PRKAG2: variants seen among roughly 807,000 people sequenced by gnomAD.
The protein encoded by PRKAG2 is protein kinase AMP-activated non-catalytic subunit gamma 2, also known as 5'-AMP-activated protein kinase subunit gamma-2.
Under a neutral mutation model 69.6 loss-of-function variants are expected in PRKAG2, and 26 were observed. The ratio of observed to expected loss-of-function variants is 0.37; its 90% CI spans 0.27 to 0.52. The LOEUF (loss-of-function observed/expected upper bound fraction) is 0.52. Ranked by LOEUF, PRKAG2 falls within the 20% of genes least tolerant of loss-of-function variation. PRKAG2 has a pLI of 0.90. For missense variants in PRKAG2, 557 were observed against 740.0 expected, an observed-to-expected ratio of 0.75 and a Z score of 2.87; for synonymous variants, 293 against 285.0, an observed-to-expected ratio of 1.03 and a Z score of -0.28.
chr7:151,655,727 G>T (rs1829314030), intron 4 of PRKAG2, among the ~76,000 whole-genome samples: 1 of 152,134 alleles, frequency 6.6e-6, no homozygotes, highest in African/African-American at 2.4e-5. Flanking sequence ...CCATGAAGCT[G>T]CTCGTGCCTC....
intron 5 of PRKAG2, among the ~76,000 whole-genome samples, chr7:151,627,903 A>G (rs796129430): frequency 2.4e-4 from 36 of 152,186 alleles, no homozygotes; most frequent in African/African-American, 7.7e-4. Flanking sequence ...GCCTTAAGCA[A>G]TCTTCCTGCC....
intron 3 of PRKAG2, among the ~76,000 whole-genome samples, chr7:151,693,072 C>G (rs1270823517): frequency 6.6e-6 from 1 of 152,210 alleles, no homozygotes; most frequent in Non-Finnish European, 1.5e-5. Flanking sequence ...AGATCCCACT[C>G]CTTCACCCGC....
intron 14 of PRKAG2, among the ~76,000 whole-genome samples, chr7:151,561,952 C>A (rs895215790): frequency 1.9e-5 from 2 of 104,006 alleles, no homozygotes; most frequent in African/African-American, 7.8e-5. Context: ...AAAAAAAAGG[C>A]TTTGGAACCT....
chr7:151,715,909 G>C (rs563345132), intron 3 of PRKAG2, among the ~76,000 whole-genome samples: 4 of 152,140 alleles, frequency 2.6e-5, no homozygotes, highest in African/African-American at 7.2e-5. Context: ...CCCATCTCAC[G>C]GCATCTTAGG....
chr7:151,566,713 G>GA (rs898448729), intron 11 of PRKAG2: 13,236 of 274,864 alleles, frequency 0.048, no homozygotes, highest in South Asian at 0.08. Flanking sequence ...GAAATTTAGA[G>GA]AAAAAAAAAA....
rs984926661 is a variant in PRKAG2 at position 151,807,471 on chromosome 7, C to T, written c.115-20930G>A. On this transcript the variant is annotated intron_variant, in intron 1 of 15. Transcript: ENST00000287878. This position sits in a 1 kb window ranked among gnomAD's most constrained non-coding sequence, Gnocchi z 4.4. ...CAATTGGCCTCTTGGTGCCAAAGCA[C>T]CATGGCGTGTTACACCTATCAGATC... is the stretch of plus-strand genomic sequence containing the variant. 9 of 457,764 alleles carry T rather than the reference C, an allele frequency of 2.0e-5. No individual in the cohort carries two copies. In the East Asian group the frequency reaches 4.9e-4, roughly 25 times the overall value. 28.4% of individuals were successfully genotyped at this position (457,764 alleles called of 1,614,324 possible).
At chr7:151,829,885 G>A (rs983806046) in intron 1 of PRKAG2, among the ~76,000 whole-genome samples, 2 of 151,898 alleles carry the variant, frequency 1.3e-5, no homozygotes, top group Non-Finnish European at 2.9e-5. Flanking sequence ...GTGGCCCCGT[G>A]TACAGCCTGC....
intron 1 of PRKAG2, among the ~76,000 whole-genome samples, chr7:151,816,105 G>C (rs961359710): frequency 1.3e-5 from 2 of 152,184 alleles, no homozygotes; most frequent in African/African-American, 4.8e-5. Context: ...GGACAAAAAG[G>C]CGGCTGAGTC....
chr7:151,652,952 G>T (rs1414719056), intron 4 of PRKAG2, among the ~76,000 whole-genome samples: 1 of 152,180 alleles, frequency 6.6e-6, no homozygotes, highest in Non-Finnish European at 1.5e-5. Context: ...GTACACAGGG[G>T]TCCTGAGACC....
At chr7:151,782,320 G>A (rs1177610732) in intron 2 of PRKAG2, among the ~76,000 whole-genome samples, 1 of 46,640 alleles carries the variant, frequency 2.1e-5, no homozygotes, top group African/African-American at 9.9e-5. Flanking sequence ...AAGGAAGGAA[G>A]GAAGGAAGGA....
intron 3 of PRKAG2, among the ~76,000 whole-genome samples, chr7:151,695,603 GA>G (rs1836485172): frequency 6.6e-6 from 1 of 152,180 alleles, no homozygotes; most frequent in Non-Finnish European, 1.5e-5. Context: ...AGGACTTCAG[GA>G]ACACATTCTA....
chr7:151,595,279 A>G, intron 6 of PRKAG2, 66 bp downstream of exon 6: 1 of 1,169,100 alleles, frequency 8.6e-7, no homozygotes, highest in South Asian at 1.3e-5. Flanking sequence ...CTGGTTTTAA[A>G]TTACTGTATA....
intron 1 of PRKAG2, among the ~76,000 whole-genome samples, 194 bp from the exon 2 acceptor site, chr7:151,786,735 C>T (rs928913890): frequency 2.0e-5 from 3 of 152,172 alleles, no homozygotes; most frequent in Non-Finnish European, 4.4e-5. Flanking sequence ...GCTTCCAGAA[C>T]GTGCAGTCAA....
At chr7:151,698,454 G>C (rs1425355345) in intron 3 of PRKAG2, among the ~76,000 whole-genome samples, 2 of 152,146 alleles carry the variant, frequency 1.3e-5, no homozygotes, top group Non-Finnish European at 2.9e-5. Flanking sequence ...GGTGGGAGAA[G>C]TCTGGGTCAT....
At chr7:151,558,693 G>A (rs1012085904) in intron 15 of PRKAG2, 39 of 984,994 alleles carry the variant, frequency 4.0e-5, no homozygotes, top group Non-Finnish European at 4.1e-5. Context: ...TGTATCATAA[G>A]GAATTCCAAC....
intron 3 of PRKAG2, among the ~76,000 whole-genome samples, chr7:151,676,390 A>G (rs1832954258): frequency 6.6e-6 from 1 of 152,100 alleles, no homozygotes; most frequent in African/African-American, 2.4e-5. Flanking sequence ...GACTTCAGGG[A>G]AAGGGTGGGA....
chr7:151,870,177 G>GCAGGCAGGCAGA (rs1193560654), intron 1 of PRKAG2, among the ~76,000 whole-genome samples: 5 of 151,674 alleles, frequency 3.3e-5, no homozygotes, highest in African/African-American at 9.7e-5. Flanking sequence ...AGGCAGGCAG[G>GCAGGCAGGCAGA]CAGGCAGGCA....
intron 3 of PRKAG2, among the ~76,000 whole-genome samples, chr7:151,689,820 C>T (rs57502400): frequency 1.5e-3 from 229 of 152,266 alleles, no homozygotes; most frequent in African/African-American, 5.2e-3. Context: ...GAGGCTGGGA[C>T]GGTGTCCAGA....
At chr7:151,840,960 C>A (rs1294170438) in intron 1 of PRKAG2, among the ~76,000 whole-genome samples, 1 of 152,126 alleles carries the variant, frequency 6.6e-6, no homozygotes, top group Non-Finnish European at 1.5e-5. Context: ...AGAGTGAGAC[C>A]CCATCTGATT....
Sources: allele counts gnomAD v4.1 joint callset (sites outside exome capture counted in the v4.1 genomes callset), GRCh38; gene constraint gnomAD v4.1.1; non-coding constraint Gnocchi (gnomAD v3.1); transcripts MANE v1.5; gene names NCBI Gene and HGNC (gene_info 2026-07-23, HGNC 2026-07-21).